The following C10orf105 variants were observed in gnomAD, a reference collection of about 807,000 sequenced individuals.
C10orf105 encodes the protein chromosome 10 open reading frame 105.
C10orf105 carries 2 observed loss-of-function variants against 0.6 expected under a neutral mutation model. The ratio of observed to expected loss-of-function variants is 3.18; its 90% CI spans 1.30 to 10.01. The LOEUF is 10.01. C10orf105 is among the 30% of genes most tolerant of loss of function. The pLI is 0.04. For missense variants in C10orf105, 209 were observed against 191.4 expected (o/e 1.09, Z -0.54); for synonymous variants, 95 against 82.4 (o/e 1.15, Z -0.83).
intron 1 of C10orf105, chr10:71,734,405 C>A: frequency 6.6e-6 from 10 of 1,517,430 alleles, no homozygotes; most frequent in Non-Finnish European, 9.0e-6. Flanking sequence ...CACTTCCTAA[C>A]CCATGTCCTC....
At chr10:71,725,525 G>T in intron 1 of C10orf105, 3 of 1,611,388 alleles carry the variant, frequency 1.9e-6, no homozygotes, top group Non-Finnish European at 2.5e-6. Context: ...GTCAGGGTGA[G>T]GCTAGGGGCG....
rs1227014733 is a variant in C10orf105, at chr10:71,712,932, G to GCCT, written c.*3003_*3004insAGG. The GCCT allele has an allele frequency of 8.1e-6, 10 of 1,232,362 alleles. No homozygotes were observed. In the African/African-American group the frequency reaches 1.3e-4, roughly 17 times the overall value. 76.3% of individuals were successfully genotyped at this position (1,232,362 alleles called of 1,614,324 possible). A position where few individuals can be genotyped will look rare whatever the true frequency, so the allele number is the denominator to read the frequency against. On this transcript the variant is annotated 3_prime_UTR_variant, in exon 2 of 2. Coordinates refer to ENST00000441508, the MANE Select transcript of C10orf105 (RefSeq NM_001164375.3). ...GGAAGCAGGTGGGGGCCCAGGGTGGGTCCGCTGCTCTGGAAGGTGCTGTGG... is the reference window on the plus strand; with the variant it reads ...GGAAGCAGGTGGGGGCCCAGGGTGGGCCTTCCGCTGCTCTGGAAGGTGCTGTGG...
intron 1 of C10orf105, among the ~76,000 whole-genome samples, chr10:71,727,888 CCT>C (rs1866886995): frequency 6.6e-6 from 1 of 152,168 alleles, no homozygotes; most frequent in Non-Finnish European, 1.5e-5. Flanking sequence ...TACATCTGTG[CCT>C]CTCAGGTTTG....
At chr10:71,729,374 G>A (rs1866960227) in intron 1 of C10orf105, among the ~76,000 whole-genome samples, 1 of 152,244 alleles carries the variant, frequency 6.6e-6, no homozygotes, top group Non-Finnish European at 1.5e-5. Context: ...AGGAAAAACA[G>A]ACAGCAAAGT....
intron 1 of C10orf105, chr10:71,731,861 G>A (rs113297025): frequency 1.4e-5 from 13 of 918,564 alleles, no homozygotes; most frequent in Admixed American, 5.3e-5. Flanking sequence ...TGATCCTGCC[G>A]GCAGAGGTGG....
At position 71,731,989 on chromosome 10, in the gene C10orf105, G is replaced by A. The variant is rs975836593; in HGVS notation, c.-6+5739C>T. 3 of 1,613,396 alleles carry A rather than the reference G, an allele frequency of 1.9e-6. No individual in the cohort carries two copies. Among genetic ancestry groups the A allele is most frequent in the Middle Eastern group, 1.7e-4 (1 of 6,060 alleles). On this transcript the variant is annotated intron_variant, in intron 1 of 1. Transcript: ENST00000398786. ...ACAGCCTCTGTGTCCTCCTACAGGGGATGGTGGCCTGGTGAACTACCGCAT... is the reference window on the plus strand; with the variant it reads ...ACAGCCTCTGTGTCCTCCTACAGGGAATGGTGGCCTGGTGAACTACCGCAT...
chr10:71,713,409 A>G lies in C10orf105; in HGVS notation c.*2527T>C. 1.6e-6 allele frequency: 1 copy of G among 641,466 alleles called. No individual in the cohort carries two copies. The highest frequency in any genetic ancestry group is 1.8e-5 in the South Asian group (1 of 55,022). 39.7% of individuals were successfully genotyped at this position (641,466 alleles called of 1,614,324 possible). A position where few individuals can be genotyped will look rare whatever the true frequency, so the allele number is the denominator to read the frequency against. ...CCGGAGTGAATGAGTCTCTTTACCA[A>G]CTATGGGGTTTCCGACTCGGAGGCT... On this transcript the variant is annotated 3_prime_UTR_variant, in exon 2 of 2. Coordinates refer to ENST00000441508, the MANE Select transcript of C10orf105 (RefSeq NM_001164375.3).
chr10:71,716,502 C>T (rs1866249206), intron 1 of C10orf105, 160 bp from the exon 2 acceptor site: 2 of 580,334 alleles, frequency 3.4e-6, no homozygotes, highest in Non-Finnish European at 6.0e-6. Flanking sequence ...GGTCCAGAGA[C>T]ATCACAAGTC....
At position 71,713,007 on chromosome 10, in the gene C10orf105, G is replaced by A. The variant is rs750614627; in HGVS notation, c.*2929C>T. On this transcript the variant is annotated 3_prime_UTR_variant, in exon 2 of 2. Transcript: ENST00000441508. The stretch of plus-strand genomic sequence containing the variant: ...CCATCCCAGGGAGTGTGGGCCCCCA[G>A]GTTGCAGAGCTGAGGATAGGGCTCT... The A allele has an allele frequency of 4.0e-6, 3 of 758,630 alleles. No homozygotes were observed. Among genetic ancestry groups the A allele is most frequent in the Non-Finnish European group, 7.0e-6 (3 of 426,668 alleles). The allele number at this position is 758,630 out of a possible 1,614,324, so 47.0% of individuals were successfully genotyped here. A position where few individuals can be genotyped will look rare whatever the true frequency, so the allele number is the denominator to read the frequency against.
At position 71,713,401 on chromosome 10, in the gene C10orf105, C is replaced by G. The variant is rs1272965610; in HGVS notation, c.*2535G>C. 7 of 667,298 alleles carry G rather than the reference C, an allele frequency of 1.0e-5. No homozygotes were observed. The highest frequency in any genetic ancestry group is 1.9e-5 in the Non-Finnish European group (7 of 369,226). The allele number at this position is 667,298 out of a possible 1,614,324, so 41.3% of individuals were successfully genotyped here. On this transcript the variant is annotated 3_prime_UTR_variant, in exon 2 of 2. Coordinates refer to ENST00000441508, the MANE Select transcript of C10orf105 (RefSeq NM_001164375.3). ...AGGGAGGCCCGGAGTGAATGAGTCT[C>G]TTTACCAACTATGGGGTTTCCGACT...
intron 1 of C10orf105, chr10:71,732,758 C>CT: frequency 9.3e-7 from 1 of 1,071,872 alleles, no homozygotes; most frequent in Non-Finnish European, 1.1e-6. Flanking sequence ...CTTCTGTTTT[C>CT]ACACCCATCA....
At chr10:71,730,441 C>A (rs142406644) in intron 1 of C10orf105, 1 of 1,611,394 alleles carries the variant, frequency 6.2e-7, no homozygotes, top group Non-Finnish European at 8.5e-7. Context: ...CCCACCCTGA[C>A]CTTGCACCCC....
In C10orf105 at chr10:71,713,667, G is replaced by A. The variant is rs917981115; in HGVS notation, c.*2269C>T. ...GAAGGAGGAAGTAGAGGGTTCTCTC[G>A]ATCAGGGCCTCAGCTTGTGAGGACT... On this transcript the variant is annotated 3_prime_UTR_variant, in exon 2 of 2. Transcript: ENST00000441508. 21 of 239,324 alleles carry A rather than the reference G, an allele frequency of 8.8e-5. No individual in the cohort carries two copies. The highest frequency in any genetic ancestry group is 1.3e-4 in the Non-Finnish European group (16 of 120,088). 14.8% of individuals were successfully genotyped at this position (239,324 alleles called of 1,614,324 possible).
intron 1 of C10orf105, chr10:71,718,019 T>C (rs903534595): frequency 6.6e-6 from 1 of 152,242 alleles, no homozygotes; most frequent in Admixed American, 6.5e-5. Context: ...TCTACTGACG[T>C]GGACAAGCAA....
intron 1 of C10orf105, chr10:71,734,705 C>A: frequency 7.8e-7 from 1 of 1,281,268 alleles, no homozygotes; most frequent in Non-Finnish European, 1.1e-6. Context: ...TGGCTGTGGC[C>A]AGTGCTGGCC....
Position 71,714,836 on chromosome 10 carries a change from C to G in C10orf105, c.*1100G>C, listed in dbSNP as rs879728975. 2 of 152,218 alleles carry G rather than the reference C, an allele frequency of 1.3e-5. No individual in the cohort carries two copies. The highest frequency in any genetic ancestry group is 2.9e-5 in the Non-Finnish European group (2 of 68,088). The allele number at this position is 152,218 out of a possible 1,614,324, so 9.4% of individuals were successfully genotyped here. On this transcript the variant is annotated 3_prime_UTR_variant, in exon 2 of 2. Coordinates refer to ENST00000441508, the MANE Select transcript of C10orf105 (RefSeq NM_001164375.3). ...TGGGATCCTGGCCAGCTGACTGGGA[C>G]AGGAGCTGGGCAGCCCAGGTCCTCC...
chr10:71,729,423 C>G (rs1014342131), intron 1 of C10orf105, among the ~76,000 whole-genome samples: 3 of 152,210 alleles, frequency 2.0e-5, no homozygotes, highest in African/African-American at 4.8e-5. Flanking sequence ...CCAGGGAGCC[C>G]TAAAGCGTCC....
intron 1 of C10orf105, among the ~76,000 whole-genome samples, chr10:71,730,992 A>G (rs1296647133): frequency 6.6e-6 from 1 of 152,238 alleles, no homozygotes; most frequent in Non-Finnish European, 1.5e-5. Context: ...CACGCCTTCC[A>G]GGACCAGCTC....
Position 71,725,434 on chromosome 10 carries a change from C to T in C10orf105, c.-5-9092G>A, listed in dbSNP as rs373622821. ...TGGGCTCCTGATGCGAGGGCCCCGG[C>T]CCCTGGACCGGGAGCGGAACTCATC... On this transcript the variant is annotated intron_variant, in intron 1 of 1. Transcript: ENST00000398786. The T allele has an allele frequency of 2.2e-5, 36 of 1,613,904 alleles. No homozygotes were observed. Among genetic ancestry groups the T allele is most frequent in the Non-Finnish European group, 3.0e-5 (35 of 1,179,880 alleles).
Sources: gnomAD v4.1 joint callset for allele counts (sites outside exome capture counted in the v4.1 genomes callset) on GRCh38, gnomAD v4.1.1 for gene constraint, MANE v1.5 for transcripts, NCBI Gene and HGNC (gene_info 2026-07-23, HGNC 2026-07-21) for gene names.